TXNRD2: variants seen among roughly 807,000 people sequenced by gnomAD.
The protein encoded by TXNRD2 is thioredoxin reductase 2, mitochondrial.
Under a neutral mutation model 70.8 loss-of-function variants are expected in TXNRD2, and 67 were observed. The ratio of observed to expected loss-of-function variants is 0.95; its 90% CI spans 0.78 to 1.16. TXNRD2 has a LOEUF of 1.16. Ranked by LOEUF, TXNRD2 falls within the 50% of genes most tolerant of loss-of-function variation. TXNRD2 has a pLI of 0.00. For missense variants in TXNRD2, 644 were observed against 719.9 expected (o/e 0.89, Z 1.21); for synonymous variants, 301 against 295.8 (o/e 1.02, Z -0.18).
At chr22:19,901,496 CTTG>C (rs1939776222) in intron 8 of TXNRD2, among the ~76,000 whole-genome samples, 1 of 152,218 alleles carries the variant, frequency 6.6e-6, no homozygotes, top group Non-Finnish European at 1.5e-5. Context: ...TGGGCCTCTT[CTTG>C]TTGTCATGAG....
In TXNRD2 at chr22:19,892,084, C is replaced by T. The variant is rs898181174; in HGVS notation, c.949+3323G>A. 2.6e-5 allele frequency among the ~76,000 whole-genome samples: 4 copies of T among 152,212 alleles called. No homozygotes were observed. The East Asian group carries it at 5.8e-4, about 22-fold the overall frequency. On this transcript the variant is annotated intron_variant, in intron 11 of 17. Transcript: ENST00000400521. ...GCACGGAGGCATCCCCCCTTCCTGT[C>T]GGAGCCCAGCTTGTGCGGACGTAGT...
rs76700103 is a variant in TXNRD2 at position 19,917,631 on chromosome 22, A to C, written c.449+512T>G. On this transcript the variant is annotated intron_variant, in intron 5 of 17. Transcript: ENST00000400521. ...AGAAGGTTGTAGGCCAGGGGAGCATAGGCCTCTGTGCTGGAGATCCCCAGG... is the reference window on the plus strand; with the variant it reads ...AGAAGGTTGTAGGCCAGGGGAGCATCGGCCTCTGTGCTGGAGATCCCCAGG... Among the ~76,000 whole-genome samples, 739 of 152,280 alleles carry C rather than the reference A, an allele frequency of 4.9e-3. 6 individuals are homozygous for C. Among genetic ancestry groups the C allele is most frequent in the African/African-American group, 0.017 (712 of 41,560 alleles).
chr22:19,877,455 G>T (rs961727830), intron 16 of TXNRD2, among the ~76,000 whole-genome samples: 1 of 151,732 alleles, frequency 6.6e-6, no homozygotes, highest in South Asian at 2.1e-4. Context: ...ACCCAGCCAC[G>T]CCCTGGCTTG....
chr22:19,923,678 T>C (rs768174168), intron 2 of TXNRD2, among the ~76,000 whole-genome samples: 7 of 151,942 alleles, frequency 4.6e-5, no homozygotes, highest in Non-Finnish European at 5.9e-5. Context: ...GGTGGGCGCC[T>C]GTAATCCCAG....
intron 7 of TXNRD2, among the ~76,000 whole-genome samples, chr22:19,912,507 C>G (rs1940458767): frequency 6.6e-6 from 1 of 152,224 alleles, no homozygotes; most frequent in South Asian, 2.1e-4. Context: ...GTGCAGTGCT[C>G]CCTGGTGCGG....
At chr22:19,928,593 G>A (rs1941241780) in intron 2 of TXNRD2, among the ~76,000 whole-genome samples, 1 of 152,174 alleles carries the variant, frequency 6.6e-6, no homozygotes, top group Non-Finnish European at 1.5e-5. Context: ...GAACTGCCAA[G>A]GTTTCAGAAA....
chr22:19,897,732 C>T (rs1332881806), intron 10 of TXNRD2, among the ~76,000 whole-genome samples: 1 of 152,214 alleles, frequency 6.6e-6, no homozygotes, highest in African/African-American at 2.4e-5. Context: ...ACACCGGCCT[C>T]TTACTAATGG....
intron 7 of TXNRD2, among the ~76,000 whole-genome samples, chr22:19,912,900 C>T (rs1208318310): frequency 6.6e-6 from 1 of 152,204 alleles, no homozygotes; most frequent in Non-Finnish European, 1.5e-5. Context: ...GCAGAACCTC[C>T]CCTTGCTCTG....
At chr22:19,915,984 G>C (rs1461813611) in intron 5 of TXNRD2, 141 bp from the exon 6 acceptor site, 9 of 737,058 alleles carry the variant, frequency 1.2e-5, no homozygotes, top group Non-Finnish European at 2.1e-5. Context: ...CAAGAGGTAA[G>C]CGGCAACCAT....
chr22:19,904,825 T>C (rs1939935473), intron 8 of TXNRD2, among the ~76,000 whole-genome samples: 1 of 152,166 alleles, frequency 6.6e-6, no homozygotes, highest in Non-Finnish European at 1.5e-5. Flanking sequence ...GCCTCCAGGA[T>C]GGGACCAGGT....
At chr22:19,916,026 C>A in intron 5 of TXNRD2, 183 bp from the exon 6 acceptor site, 1 of 611,794 alleles carries the variant, frequency 1.6e-6, no homozygotes. Context: ...GTGGGGGCAC[C>A]TCGCCTGTCC....
At chr22:19,897,523 C>G (rs1270136409) in intron 10 of TXNRD2, among the ~76,000 whole-genome samples, 2 of 152,198 alleles carry the variant, frequency 1.3e-5, no homozygotes, top group Non-Finnish European at 2.9e-5. Context: ...ACCCCAGACA[C>G]AGATGAAGGC....
At chr22:19,922,983 G>A (rs535866055) in intron 2 of TXNRD2, among the ~76,000 whole-genome samples, 12 of 152,146 alleles carry the variant, frequency 7.9e-5, no homozygotes, top group Admixed American at 2.0e-4. Context: ...CACCATGCCC[G>A]GCCAGGAAGG....
intron 3 of TXNRD2, 74 bp downstream of exon 3, chr22:19,919,469 C>G (rs992613674): frequency 2.3e-5 from 32 of 1,395,272 alleles, no homozygotes; most frequent in Non-Finnish European, 2.9e-5. Flanking sequence ...GTGTCAGCTG[C>G]CCTCTGTACA....
At chr22:19,878,316 T>A (rs1377000912) in intron 15 of TXNRD2, 50 bp downstream of exon 15, 1 of 1,608,000 alleles carries the variant, frequency 6.2e-7, no homozygotes, top group African/African-American at 1.3e-5. Context: ...GCCAGGCTCT[T>A]TGCCACCCTC....
intron 1 of TXNRD2, chr22:19,937,891 A>G (rs2078748): frequency 0.21 from 32,070 of 152,148 alleles, 4,009 homozygotes; most frequent in Middle Eastern, 0.34. Context: ...CCAGGCCCCA[A>G]TATCAAATGG....
At chr22:19,893,586 C>T (rs1477198576) in intron 11 of TXNRD2, among the ~76,000 whole-genome samples, 3 of 152,218 alleles carry the variant, frequency 2.0e-5, no homozygotes, top group Non-Finnish European at 4.4e-5. Flanking sequence ...CAGACAGCCC[C>T]GGCCCAGGCC....
chr22:19,883,377 G>C lies in TXNRD2; in HGVS notation c.1034C>G (p.Ser345Cys). The change falls in exon 12 of 18, where the codon TCC (serine) becomes TGC (cysteine). Residue 345 changes from serine (S) to cysteine (C), a missense_variant. This residue lies in a region of TXNRD2 where 566 missense variants were observed against 645.0 expected (regional missense o/e 0.88). Transcript: ENST00000400521. ...SPDTQKILVDSREATSVPHIY... is the reference protein window; with the variant it reads ...SPDTQKILVDCREATSVPHIY... The stretch of plus-strand genomic sequence containing the variant: ...GTGGGGCACAGAGGTGGCTTCCCGG[G>C]AGTCCACCAGGATCTTCTGAGTGTC... 1 of 1,614,068 alleles carries C rather than the reference G, an allele frequency of 6.2e-7. No homozygotes were observed. The highest frequency in any genetic ancestry group is 8.5e-7 in the Non-Finnish European group (1 of 1,180,036).
chr22:19,910,194 G>C (rs929661091), intron 8 of TXNRD2, among the ~76,000 whole-genome samples: 4 of 152,206 alleles, frequency 2.6e-5, no homozygotes, highest in African/African-American at 9.7e-5. Flanking sequence ...CTGGGACCTC[G>C]GGATGGCCCA....
Sources: gnomAD v4.1 joint callset for allele counts (sites outside exome capture counted in the v4.1 genomes callset) on GRCh38, gnomAD v4.1.1 for gene constraint, gnomAD v4.1.1 regional missense constraint, MANE v1.5 for transcripts, NCBI Gene and HGNC (gene_info 2026-07-23, HGNC 2026-07-21) for gene names.